Variants in NSD1 observed in about 807,000 individuals in gnomAD.
NSD1 encodes the protein histone-lysine N-methyltransferase, H3 lysine-36 specific.
In NSD1, 26 loss-of-function variants were observed where a neutral mutation model predicts 242.7. The ratio of observed to expected loss-of-function variants is 0.11; its 90% CI spans 0.08 to 0.15. The LOEUF is 0.15. NSD1 is among the 10% of genes least tolerant of loss of function. NSD1 has a pLI of 1.00. For synonymous variants in NSD1, 1,106 were observed against 1,178.1 expected (o/e 0.94, Z 1.25); for missense variants, 2,495 against 3,272.8 (o/e 0.76, Z 5.80).
chr5:177,286,143 T>C (rs1414271751), intron 20 of NSD1, among the ~76,000 whole-genome samples: 1 of 152,224 alleles, frequency 6.6e-6, no homozygotes, highest in Non-Finnish European at 1.5e-5. Context: ...ATTACAGGCA[T>C]GAGCCACCGC....
chr5:177,144,396 CT>C (rs1757070981), intron 2 of NSD1, among the ~76,000 whole-genome samples: 1 of 149,688 alleles, frequency 6.7e-6, no homozygotes, highest in South Asian at 2.1e-4. Flanking sequence ...TTTTTTTTCT[CT>C]ATTTTTCCAA....
At chr5:177,219,183 T>A (rs913171811) in intron 5 of NSD1, among the ~76,000 whole-genome samples, 4 of 151,920 alleles carry the variant, frequency 2.6e-5, no homozygotes, top group Non-Finnish European at 5.9e-5. Flanking sequence ...CTGCATCCCA[T>A]AAGTTTTGTG....
chr5:177,172,304 T>TAG (rs1435819386), intron 2 of NSD1, among the ~76,000 whole-genome samples: 1 of 152,238 alleles, frequency 6.6e-6, no homozygotes, highest in African/African-American at 2.4e-5. Flanking sequence ...AGTTGGGAGT[T>TAG]AGAGACACTT....
chr5:177,159,618 G>A (rs540332834), intron 2 of NSD1, among the ~76,000 whole-genome samples: 11 of 138,330 alleles, frequency 8.0e-5, no homozygotes, highest in African/African-American at 2.2e-4. Flanking sequence ...TTTTTGAGAC[G>A]GAGTTTCGCT....
At chr5:177,203,462 T>C (rs1241325615) in intron 3 of NSD1, among the ~76,000 whole-genome samples, 2 of 152,218 alleles carry the variant, frequency 1.3e-5, no homozygotes, top group African/African-American at 2.4e-5. Flanking sequence ...ATTTGAAATA[T>C]TGCATTTCAC....
intron 2 of NSD1, among the ~76,000 whole-genome samples, chr5:177,172,476 A>C (rs1759797234): frequency 6.6e-6 from 1 of 152,202 alleles, no homozygotes; most frequent in African/African-American, 2.4e-5. Flanking sequence ...AACAGCTTCT[A>C]AGTGTGACTT....
At chr5:177,156,162 C>A (rs923365159) in intron 2 of NSD1, among the ~76,000 whole-genome samples, 1 of 148,372 alleles carries the variant, frequency 6.7e-6, no homozygotes, top group South Asian at 2.2e-4. Context: ...ACTCTTCCCT[C>A]GCTCTTTTCA....
chr5:177,139,276 C>A (rs1207985601), intron 2 of NSD1, among the ~76,000 whole-genome samples: 2 of 150,506 alleles, frequency 1.3e-5, no homozygotes, highest in East Asian at 3.9e-4. Context: ...CCATCCTGGC[C>A]GACATGGTGA....
intron 3 of NSD1, among the ~76,000 whole-genome samples, chr5:177,193,117 A>T (rs1398895449): frequency 6.6e-6 from 1 of 152,040 alleles, no homozygotes; most frequent in Admixed American, 6.6e-5. Context: ...ACTCTAAAGG[A>T]TGGGGCTGAA....
chr5:177,190,411 C>T (rs576483008), intron 2 of NSD1, among the ~76,000 whole-genome samples: 1 of 152,120 alleles, frequency 6.6e-6, no homozygotes, highest in African/African-American at 2.4e-5. Flanking sequence ...TCCCGAGTAG[C>T]TGGGATTACC....
At chr5:177,163,173 C>T (rs1475853563) in intron 2 of NSD1, among the ~76,000 whole-genome samples, 3 of 141,100 alleles carry the variant, frequency 2.1e-5, no homozygotes, top group Non-Finnish European at 3.0e-5. Flanking sequence ...GACGGAGTCT[C>T]GTTCTGTTGC....
At position 177,291,939 on chromosome 5, in the gene NSD1, A is replaced by G. The variant is rs1164995071; in HGVS notation, c.6259-15A>G. 3 of 1,611,896 alleles carry G rather than the reference A, an allele frequency of 1.9e-6. No individual in the cohort carries two copies. Among genetic ancestry groups the G allele is most frequent in the Non-Finnish European group, 2.5e-6 (3 of 1,178,568 alleles). Reference sequence around the variant, plus strand: ...GTGTTCACAGAATGCTGACTGTTCAATATCTGACCTGTAGAATCAACCCAT... The same window carrying G: ...GTGTTCACAGAATGCTGACTGTTCAGTATCTGACCTGTAGAATCAACCCAT... On this transcript the variant is annotated splice_polypyrimidine_tract_variant and intron_variant, in intron 21 of 22. Coordinates refer to ENST00000439151, the MANE Select transcript of NSD1 (RefSeq NM_022455.5).
At chr5:177,204,950 G>A (rs1041386569) in intron 4 of NSD1, among the ~76,000 whole-genome samples, 3 of 152,134 alleles carry the variant, frequency 2.0e-5, no homozygotes, top group African/African-American at 7.2e-5. Flanking sequence ...TATGCATGAT[G>A]AAAGTATCAT....
At chr5:177,266,253 C>T in intron 14 of NSD1, 1 of 774,574 alleles carries the variant, frequency 1.3e-6, no homozygotes, top group South Asian at 1.4e-5. Context: ...TCTATCTCCT[C>T]CACCTTCCCC....
intron 2 of NSD1, among the ~76,000 whole-genome samples, chr5:177,158,289 C>CCT (rs1554172505): frequency 1.1e-5 from 1 of 94,630 alleles, no homozygotes; most frequent in Non-Finnish European, 1.9e-5. Context: ...TTCTTTCTTT[C>CCT]TTTCTTTCTT....
intron 3 of NSD1, among the ~76,000 whole-genome samples, chr5:177,197,011 C>T (rs1413698884): frequency 1.3e-5 from 2 of 151,914 alleles, no homozygotes; most frequent in African/African-American, 4.8e-5. Flanking sequence ...CTCACGCCTG[C>T]AATCCAGCAC....
chr5:177,258,035 C>T (rs1756667856), intron 13 of NSD1, among the ~76,000 whole-genome samples: 1 of 122,836 alleles, frequency 8.1e-6, no homozygotes, highest in Non-Finnish European at 1.6e-5. Flanking sequence ...GGCTAGAGTG[C>T]AATGGTGCAA....
chr5:177,213,339 T>C (rs13185316), intron 5 of NSD1, among the ~76,000 whole-genome samples: 20,644 of 152,246 alleles, frequency 0.14, 1,924 homozygotes, highest in East Asian at 0.51. Context: ...ATTCAGCTTT[T>C]AACGTTTTTA....
intron 5 of NSD1, among the ~76,000 whole-genome samples, chr5:177,217,406 A>T (rs1216563453): frequency 1.3e-5 from 2 of 152,120 alleles, no homozygotes; most frequent in African/African-American, 2.4e-5. Flanking sequence ...GGTTTCCTAC[A>T]TAAAGGTTCA....
Sources: gnomAD v4.1 joint callset for allele counts (sites outside exome capture counted in the v4.1 genomes callset) on GRCh38, gnomAD v4.1.1 for gene constraint, MANE v1.5 for transcripts, NCBI Gene and HGNC (gene_info 2026-07-23, HGNC 2026-07-21) for gene names.